The following SUPT3H variants were observed in gnomAD, a reference collection of about 807,000 sequenced individuals.
SUPT3H encodes transcription initiation protein SPT3 homolog.
SUPT3H carries 44 observed loss-of-function variants against 44.3 expected under a neutral mutation model. That is an observed-to-expected ratio of 0.99 (90% CI 0.78 to 1.28). The LOEUF is 1.28. Ranked by LOEUF, SUPT3H falls within the 50% of genes most tolerant of loss-of-function variation. SUPT3H has a pLI of 0.00. For missense variants in SUPT3H, 380 were observed against 387.1 expected (o/e 0.98, Z 0.15); for synonymous variants, 124 against 125.6 (o/e 0.99, Z 0.09).
In SUPT3H at chr6:45,097,294, G is replaced by T. The variant is rs114562552; in HGVS notation, c.186+8628C>A. ...ATTTGAAAGCCACTGCTTTAGTCAG[G>T]AAGTTTGCTACAGGACACAAGTGTC... On this transcript the variant is annotated intron_variant, in intron 3 of 10. Coordinates refer to ENST00000371459, the MANE Select transcript of SUPT3H (RefSeq NM_003599.4). 2.5e-3 allele frequency among the ~76,000 whole-genome samples: 386 copies of T among 152,288 alleles called. 3 individuals carry two copies. The highest frequency in any genetic ancestry group is 8.5e-3 in the African/African-American group (352 of 41,568).
intron 10 of SUPT3H, among the ~76,000 whole-genome samples, chr6:44,917,724 G>A (rs1768034918): frequency 6.6e-6 from 1 of 152,086 alleles, no homozygotes; most frequent in African/African-American, 2.4e-5. Context: ...TTCTATCCTT[G>A]CTTACAATAG....
intron 10 of SUPT3H, among the ~76,000 whole-genome samples, chr6:44,834,156 G>A (rs913915763): frequency 6.6e-6 from 1 of 152,178 alleles, no homozygotes; most frequent in Non-Finnish European, 1.5e-5. Context: ...GGTGCATAGT[G>A]AGAGCTGAGA....
rs374606230 is a variant in SUPT3H, at chr6:45,113,827, C to CAAAAAAAAAA, written c.102-7831_102-7822dup. 9.7e-4 allele frequency among the ~76,000 whole-genome samples: 109 copies of CAAAAAAAAAA among 112,726 alleles called. 1 individual carries two copies. The highest frequency in any genetic ancestry group is 3.6e-3 in the African/African-American group (105 of 29,164). The allele number at this position is 112,726 out of a possible 152,430, so 74.0% of individuals were successfully genotyped here. A position where few individuals can be genotyped will look rare whatever the true frequency, so the allele number is the denominator to read the frequency against. ...CCTGGGCGACAGAGCAAGACTCCAT[C>CAAAAAAAAAA]AAAAAAAAAAAAAAAAAAAATCAAA... is the stretch of plus-strand genomic sequence containing the variant. On this transcript the variant is annotated intron_variant, in intron 2 of 10. Coordinates refer to ENST00000371459, the MANE Select transcript of SUPT3H (RefSeq NM_003599.4).
chr6:45,141,359 A>G (rs1327655274), intron 2 of SUPT3H, among the ~76,000 whole-genome samples: 1 of 149,992 alleles, frequency 6.7e-6, no homozygotes, highest in African/African-American at 2.4e-5. Context: ...AAAAAAAAAA[A>G]AAAAGAAAAG....
chr6:45,210,764 A>T (rs554978571), intron 2 of SUPT3H, among the ~76,000 whole-genome samples: 2 of 152,360 alleles, frequency 1.3e-5, no homozygotes, highest in Non-Finnish European at 2.9e-5. Context: ...ACTATAGTAT[A>T]GGGTAAATGT....
At chr6:44,906,581 G>A (rs998393374) in intron 10 of SUPT3H, among the ~76,000 whole-genome samples, 2 of 152,154 alleles carry the variant, frequency 1.3e-5, no homozygotes, top group African/African-American at 4.8e-5. Flanking sequence ...GGCCAACATT[G>A]TGAAACCCGT....
chr6:45,074,074 T>C (rs1458383713), intron 3 of SUPT3H, among the ~76,000 whole-genome samples: 1 of 151,978 alleles, frequency 6.6e-6, no homozygotes, highest in African/African-American at 2.4e-5. Context: ...ATGTTAACTC[T>C]ATATGTAATT....
At chr6:45,249,431 G>C (rs1302277291) in intron 2 of SUPT3H, among the ~76,000 whole-genome samples, 10 of 149,030 alleles carry the variant, frequency 6.7e-5, no homozygotes, top group Non-Finnish European at 8.9e-5. Context: ...AATTCTAAAG[G>C]AATACAAACA....
chr6:44,966,957 G>T (rs1223402010), intron 6 of SUPT3H, among the ~76,000 whole-genome samples: 2 of 152,120 alleles, frequency 1.3e-5, no homozygotes, highest in Non-Finnish European at 2.9e-5. Flanking sequence ...TCATACTCTT[G>T]TATCTGCAAG....
At chr6:45,359,861 C>G (rs1039966815) in intron 2 of SUPT3H, among the ~76,000 whole-genome samples, 1 of 152,026 alleles carries the variant, frequency 6.6e-6, no homozygotes, top group Non-Finnish European at 1.5e-5. Flanking sequence ...CTGGGCAACA[C>G]GACAAAATCC....
chr6:45,013,633 T>C (rs994860245), intron 5 of SUPT3H, among the ~76,000 whole-genome samples: 1 of 152,152 alleles, frequency 6.6e-6, no homozygotes. Context: ...CAGACTACCA[T>C]GTCTGAGGTA....
chr6:44,865,106 G>A (rs1441270429), intron 10 of SUPT3H, among the ~76,000 whole-genome samples: 2 of 152,178 alleles, frequency 1.3e-5, no homozygotes, highest in Non-Finnish European at 2.9e-5. Context: ...GGGGCAAAAT[G>A]CTGCCAGTCT....
intron 10 of SUPT3H, among the ~76,000 whole-genome samples, chr6:44,859,589 T>C (rs758955467): frequency 7.2e-5 from 11 of 152,100 alleles, no homozygotes; most frequent in East Asian, 1.9e-4. Flanking sequence ...TAGAAGGACA[T>C]TGAAAAAAGA....
intron 10 of SUPT3H, among the ~76,000 whole-genome samples, chr6:44,901,407 G>A (rs1319894952): frequency 6.6e-6 from 1 of 152,192 alleles, no homozygotes; most frequent in African/African-American, 2.4e-5. Flanking sequence ...ATGATCGACT[G>A]GAAGAAAGGG....
intron 10 of SUPT3H, among the ~76,000 whole-genome samples, chr6:44,898,268 T>C (rs1764407734): frequency 1.3e-5 from 2 of 152,212 alleles, no homozygotes; most frequent in Admixed American, 1.3e-4. Flanking sequence ...CTTCCCATAC[T>C]GAATGTAACA....
At chr6:45,336,765 G>A (rs1448013274) in intron 2 of SUPT3H, among the ~76,000 whole-genome samples, 1 of 151,326 alleles carries the variant, frequency 6.6e-6, no homozygotes, top group Non-Finnish European at 1.5e-5. Context: ...GATAGGAAGT[G>A]ATTTTCTATA....
chr6:45,262,179 C>G (rs1426760866), intron 2 of SUPT3H, among the ~76,000 whole-genome samples: 1 of 152,054 alleles, frequency 6.6e-6, no homozygotes, highest in African/African-American at 2.4e-5. Flanking sequence ...AATGCTATTC[C>G]TATCAAACCA....
chr6:44,898,325 G>T (rs1764417452), intron 10 of SUPT3H, among the ~76,000 whole-genome samples: 1 of 152,180 alleles, frequency 6.6e-6, no homozygotes, highest in Admixed American at 6.5e-5. Flanking sequence ...GTCGCAGAAG[G>T]CACTGTGGTT....
intron 10 of SUPT3H, among the ~76,000 whole-genome samples, chr6:44,931,476 T>C (rs1770577098): frequency 6.6e-6 from 1 of 152,160 alleles, no homozygotes. Flanking sequence ...TGGCCTGTCA[T>C]TTAAAACAGC....
Sources: gnomAD v4.1 joint callset for allele counts (sites outside exome capture counted in the v4.1 genomes callset) on GRCh38, gnomAD v4.1.1 for gene constraint, MANE v1.5 for transcripts, NCBI Gene and HGNC (gene_info 2026-07-23, HGNC 2026-07-21) for gene names.